Variants in GGT1 observed in about 807,000 individuals in gnomAD.
GGT1 encodes glutathione hydrolase 1 proenzyme.
GGT1 carries 21 observed loss-of-function variants against 56.0 expected under a neutral mutation model. The ratio of observed to expected loss-of-function variants is 0.38; its 90% confidence interval spans 0.27 to 0.54. GGT1 has a LOEUF of 0.54. Ranked by LOEUF, GGT1 falls within the 20% of genes least tolerant of loss-of-function variation. The probability of loss-of-function intolerance (pLI) is 0.82; values close to 1 mark genes in which losing one functional copy is unlikely to be tolerated. For missense variants in GGT1, 466 were observed against 787.0 expected, an observed-to-expected ratio of 0.59 and a Z score of 4.88; for synonymous variants, 238 against 342.6, an observed-to-expected ratio of 0.69 and a Z score of 3.37.
Position 24,614,767 on chromosome 22 carries a change from A to T in GGT1, c.165-9A>T. 6.2e-7 allele frequency: 1 copy of T among 1,613,456 alleles called. No homozygotes were observed. The highest frequency in any genetic ancestry group is 1.3e-5 in the African/African-American group (1 of 75,028). On this transcript the variant is annotated splice_polypyrimidine_tract_variant and intron_variant, in intron 5 of 15. Coordinates refer to ENST00000400382, the MANE Select transcript of GGT1 (RefSeq NM_001288833.2). ...GCAGGTTCTCATGCCTTTATGTGCCACATGGCAGGGATGCACTGCGGGACG... is the reference window on the plus strand; with the variant it reads ...GCAGGTTCTCATGCCTTTATGTGCCTCATGGCAGGGATGCACTGCGGGACG...
rs1368581330 is a variant in GGT1 at position 24,614,938 on chromosome 22, G to T, written c.295+32G>T. The T allele has an allele frequency of 3.7e-6, 6 of 1,609,844 alleles. No homozygotes were observed. The East Asian group carries it at 1.3e-4, about 36-fold the overall frequency. On this transcript the variant is annotated intron_variant, in intron 6 of 15. Transcript: ENST00000400382. The stretch of plus-strand genomic sequence containing the variant: ...GCCTCGGGAGAGGAGAGGGAGAGGG[G>T]CAGGGGGTGTGGGTTGGGCCGAGGC...
chr22:24,588,647 C>T, the GGT1 span: 1 of 1,137,864 alleles, frequency 8.8e-7, no homozygotes, highest in East Asian at 5.1e-5. Context: ...AGCCGGCTGC[C>T]TGCCCACCCT....
upstream of GGT1, among the ~76,000 whole-genome samples, chr22:24,600,765 C>T (rs1199389713): frequency 6.6e-6 from 1 of 152,214 alleles, no homozygotes; most frequent in African/African-American, 2.4e-5. Flanking sequence ...TGGCCAGGTA[C>T]AGGATCTGGA....
chr22:24,584,161 T>C, the GGT1 span, among the ~76,000 whole-genome samples: 17 of 152,066 alleles, frequency 1.1e-4, no homozygotes, highest in Non-Finnish European at 1.6e-4. Flanking sequence ...GGGAAACACT[T>C]CTATGGCTTC....
chr22:24,602,636 C>T (rs2045803221), upstream of GGT1, among the ~76,000 whole-genome samples: 1 of 152,098 alleles, frequency 6.6e-6, no homozygotes, highest in African/African-American at 2.4e-5. Context: ...TGCTCAGACC[C>T]CTGAAATTGG....
rs575606784 is a variant in GGT1 at position 24,610,920 on chromosome 22, T to C, written c.-7-155T>C. 1.9e-3 allele frequency among the ~76,000 whole-genome samples: 281 copies of C among 151,400 alleles called. 1 individual carries two copies. The highest frequency in any genetic ancestry group is 0.014 in the Middle Eastern group (4 of 294). ...GCAGAGGGCATGGCCTGCGCAAAGG[T>C]CTGGGGGCCGGACAGCCTGCACGTA... is the stretch of plus-strand genomic sequence containing the variant. On this transcript the variant is annotated intron_variant, in intron 4 of 15. Coordinates refer to ENST00000400382, the MANE Select transcript of GGT1 (RefSeq NM_001288833.2).
chr22:24,592,467 A>G, upstream of GGT1: 1 of 465,414 alleles, frequency 2.1e-6, no homozygotes, highest in Non-Finnish European at 4.5e-6. Context: ...CTCTCAATAC[A>G]AGATGATTTG....
At chr22:24,592,999 C>G (rs563748821), upstream of GGT1, 10,105 of 1,140,886 alleles carry the variant, frequency 8.9e-3, 69 homozygotes, top group South Asian at 0.015. Flanking sequence ...GGCCTCAGAG[C>G]CAGCCTCGGG....
At chr22:24,614,067 C>T (rs2046884468) in intron 5 of GGT1, among the ~76,000 whole-genome samples, 2 of 151,850 alleles carry the variant, frequency 1.3e-5, no homozygotes, top group Admixed American at 1.3e-4. Flanking sequence ...AAAGGCTGGG[C>T]ACAGTGGCTC....
At chr22:24,584,940 C>T in the GGT1 span, among the ~76,000 whole-genome samples, 24 of 152,066 alleles carry the variant, frequency 1.6e-4, no homozygotes, top group South Asian at 4.8e-3. Flanking sequence ...GGAGACACTT[C>T]CCCCTGCCAA....
intron 1 of GGT1, among the ~76,000 whole-genome samples, chr22:24,607,454 G>A (rs2330819): frequency 1.3e-5 from 2 of 152,190 alleles, no homozygotes; most frequent in African/African-American, 4.8e-5. Context: ...AGCGCCCTTT[G>A]GAGGGAACTG....
At position 24,627,053 on chromosome 22, in the gene GGT1, C is replaced by T. The variant is rs1338326185; in HGVS notation, c.1021-379C>T. 10 of 414,478 alleles carry T rather than the reference C, an allele frequency of 2.4e-5. No individual in the cohort carries two copies. In the Admixed American group the frequency reaches 3.4e-4, roughly 14 times the overall value. The allele number at this position is 414,478 out of a possible 1,614,324, so 25.7% of individuals were successfully genotyped here. Reference sequence around the variant, plus strand: ...CCTTACCTGGCTTGTGGTTTCAGCACTTTCCCTGTGTGTGTTTGTTTTTCT... The same window carrying T: ...CCTTACCTGGCTTGTGGTTTCAGCATTTTCCCTGTGTGTGTTTGTTTTTCT... On this transcript the variant is annotated intron_variant, in intron 11 of 15. Coordinates refer to ENST00000400382, the MANE Select transcript of GGT1 (RefSeq NM_001288833.2).
At position 24,621,767 on chromosome 22, in the gene GGT1, T is replaced by A. The variant is rs2047427669; in HGVS notation, c.733+697T>A. On this transcript the variant is annotated intron_variant, in intron 9 of 15. Coordinates refer to ENST00000400382, the MANE Select transcript of GGT1 (RefSeq NM_001288833.2). ...AATTCTCCAGTTAGAAAAGGCCCTC[T>A]GAGCCAGGCGCGGTGGCTCACGTCT... is the stretch of plus-strand genomic sequence containing the variant. Among the ~76,000 whole-genome samples, 3 of 152,236 alleles carry A rather than the reference T, an allele frequency of 2.0e-5. No individual in the cohort carries two copies. The South Asian group carries it at 6.2e-4, about 32-fold the overall frequency.
At chr22:24,599,235 G>A (rs5760492), upstream of GGT1, 50,134 of 152,086 alleles carry the variant, frequency 0.33, 8,659 homozygotes, top group Middle Eastern at 0.49. Context: ...AGTGCCAGAG[G>A]GCTTCAGGAG....
chr22:24,612,244 CTTTTTTTTTTT>C (rs796939700), intron 5 of GGT1, among the ~76,000 whole-genome samples: 23 of 75,374 alleles, frequency 3.1e-4, no homozygotes, highest in African/African-American at 7.2e-4. Flanking sequence ...CCGGCTTATT[CTTTTTTTTTTT>C]TTTTTTTTTT....
upstream of GGT1, chr22:24,592,541 G>C (rs1019055372): frequency 2.3e-6 from 1 of 437,566 alleles, no homozygotes; most frequent in Non-Finnish European, 4.5e-6. Context: ...GGGCTCTTAG[G>C]TCCAGGCTAC....
At position 24,627,540 on chromosome 22, in the gene GGT1, G is replaced by A; in HGVS notation, c.1129G>A (p.Asp377Asn). The A allele has an allele frequency of 6.2e-7, 1 of 1,611,794 alleles. No individual in the cohort carries two copies. The highest frequency in any genetic ancestry group is 8.5e-7 in the Non-Finnish European group (1 of 1,179,820). The change falls in exon 12 of 16, where the codon GAT (aspartate) becomes AAT (asparagine). Residue 377 changes from aspartate to asparagine, a missense_variant. Coordinates refer to ENST00000400382, the MANE Select transcript of GGT1 (RefSeq NM_001288833.2). ...CTACAAGCCCGAGTTCTACACGCCG[G>A]ATGACGGGGGCACTGCTCACCTGTC... ...SYYKPEFYTP[D>N]DGGTAHLSVV...
chr22:24,606,170 G>A (rs1363532443), intron 1 of GGT1, among the ~76,000 whole-genome samples: 1 of 137,990 alleles, frequency 7.2e-6, no homozygotes, highest in Non-Finnish European at 1.5e-5. Flanking sequence ...TAAGTTCTAG[G>A]GTACATGTGC....
intron 1 of GGT1, among the ~76,000 whole-genome samples, chr22:24,595,510 C>T (rs779566985): frequency 6.6e-6 from 1 of 152,204 alleles, no homozygotes; most frequent in African/African-American, 2.4e-5. Context: ...CCTCTCAGTT[C>T]CCGGGGCTGA....
Sources: allele counts gnomAD v4.1 joint callset (sites outside exome capture counted in the v4.1 genomes callset), GRCh38; gene constraint gnomAD v4.1.1; transcripts MANE v1.5; gene names NCBI Gene and HGNC (gene_info 2026-07-23, HGNC 2026-07-21).